RPS6KC1: variants seen among roughly 807,000 people sequenced by gnomAD.
RPS6KC1 encodes the protein inactive ribosomal protein S6 kinase delta-1.
Under a neutral mutation model 103.8 loss-of-function variants are expected in RPS6KC1, and 54 were observed. The ratio of observed to expected loss-of-function variants is 0.52; its 90% CI spans 0.42 to 0.65. The LOEUF is 0.65. RPS6KC1 is among the 30% of genes least tolerant of loss of function. The probability of loss-of-function intolerance (pLI) is 0.00; values close to 1 mark genes in which losing one functional copy is unlikely to be tolerated. For synonymous variants in RPS6KC1, 439 were observed against 438.7 expected (o/e 1.00, Z -0.01); for missense variants, 1,151 against 1,253.8 (o/e 0.92, Z 1.24).
rs2091468128 is a variant in RPS6KC1, at chr1:213,171,414, A to C, written c.951+3441A>C. On this transcript the variant is annotated intron_variant, in intron 7 of 14. Coordinates refer to ENST00000366960, the MANE Select transcript of RPS6KC1 (RefSeq NM_012424.6). ...ATGATTTAAGAATTAATGTTGAAAG[A>C]AGCTTTCCCTGGAAAAGATTTAGAA... Among the ~76,000 whole-genome samples the C allele has an allele frequency of 2.0e-5, 3 of 152,080 alleles. No individual in the cohort carries two copies. In the South Asian group the frequency reaches 6.2e-4, roughly 32 times the overall value.
chr1:213,183,908 A>G (rs1267663125), intron 8 of RPS6KC1, among the ~76,000 whole-genome samples: 7 of 152,174 alleles, frequency 4.6e-5, no homozygotes, highest in Non-Finnish European at 8.8e-5. Context: ...GAATACACCA[A>G]TTATTACTGT....
In RPS6KC1 at chr1:213,109,229, C is replaced by T. The variant is rs55954734; in HGVS notation, c.378+4660C>T. 3.1e-3 allele frequency among the ~76,000 whole-genome samples: 476 copies of T among 152,230 alleles called. 4 individuals are homozygous for T. Among genetic ancestry groups the T allele is most frequent in the African/African-American group, 0.011 (440 of 41,542 alleles). ...TTGGCTCACTGCAAGCTCCACCTCC[C>T]GGGTTCATGCCATTCTCCTGCTTCA... On this transcript the variant is annotated intron_variant, in intron 4 of 14. Transcript: ENST00000366960.
chr1:213,488,082 G>A, the RPS6KC1 span, among the ~76,000 whole-genome samples: 3 of 152,144 alleles, frequency 2.0e-5, no homozygotes, highest in African/African-American at 7.2e-5. Flanking sequence ...TATGCTCATA[G>A]CACCTATATC....
chr1:213,612,923 T>C, the RPS6KC1 span, among the ~76,000 whole-genome samples: 1 of 152,354 alleles, frequency 6.6e-6, no homozygotes, highest in African/African-American at 2.4e-5. Flanking sequence ...TGCCTTTTTA[T>C]ACCATTTTCC....
At chr1:213,101,763 TATTA>T (rs1275970013) in intron 3 of RPS6KC1, among the ~76,000 whole-genome samples, 9 of 152,226 alleles carry the variant, frequency 5.9e-5, no homozygotes, top group South Asian at 2.1e-4. Flanking sequence ...CAATTACTAA[TATTA>T]ATTTATAGGC....
At chr1:213,120,599 G>A (rs2084270375) in intron 5 of RPS6KC1, among the ~76,000 whole-genome samples, 1 of 152,080 alleles carries the variant, frequency 6.6e-6, no homozygotes, top group African/African-American at 2.4e-5. Flanking sequence ...AGGGATCGTG[G>A]TGACAAATGC....
At chr1:213,825,524 G>T in the RPS6KC1 span, among the ~76,000 whole-genome samples, 1 of 152,126 alleles carries the variant, frequency 6.6e-6, no homozygotes, top group Admixed American at 6.5e-5. Flanking sequence ...ATCCTACAAG[G>T]GGGTTAATGC....
At chr1:213,542,799 C>T in the RPS6KC1 span, among the ~76,000 whole-genome samples, 1 of 152,190 alleles carries the variant, frequency 6.6e-6, no homozygotes, top group Non-Finnish European at 1.5e-5. Flanking sequence ...ATTTTGAATG[C>T]TATTTACTAG....
the RPS6KC1 span, among the ~76,000 whole-genome samples, chr1:213,497,799 T>C: frequency 6.6e-6 from 1 of 152,050 alleles, no homozygotes; most frequent in African/African-American, 2.4e-5. Flanking sequence ...GAAAACCAAA[T>C]ATTTGTTAAG....
At chr1:213,804,221 T>C in the RPS6KC1 span, among the ~76,000 whole-genome samples, 52 of 150,890 alleles carry the variant, frequency 3.4e-4, no homozygotes, top group African/African-American at 1.2e-3. Context: ...CTGGAATATT[T>C]TCAGGGACCA....
intron 4 of RPS6KC1, among the ~76,000 whole-genome samples, chr1:213,105,218 T>G (rs1157882505): frequency 3.4e-5 from 4 of 117,848 alleles, no homozygotes; most frequent in Non-Finnish European, 6.9e-5. Flanking sequence ...CATTTTAAGT[T>G]TTTTTTTTTT....
chr1:213,312,885 T>C, the RPS6KC1 span, among the ~76,000 whole-genome samples: 1 of 152,232 alleles, frequency 6.6e-6, no homozygotes, highest in East Asian at 1.9e-4. Context: ...TTAGCTACAA[T>C]AACACCATTA....
the RPS6KC1 span, among the ~76,000 whole-genome samples, chr1:213,734,303 G>T: frequency 6.6e-6 from 1 of 152,174 alleles, no homozygotes; most frequent in Non-Finnish European, 1.5e-5. Context: ...TATAGACTTA[G>T]CTTTCGATGA....
the RPS6KC1 span, among the ~76,000 whole-genome samples, chr1:213,456,976 G>A: frequency 6.6e-6 from 1 of 152,140 alleles, no homozygotes; most frequent in Non-Finnish European, 1.5e-5. Flanking sequence ...TTTTGAAATG[G>A]CAGAAGTTTC....
the RPS6KC1 span, among the ~76,000 whole-genome samples, chr1:213,452,749 A>G: frequency 6.6e-6 from 1 of 152,166 alleles, no homozygotes. Context: ...CCCTCCTCCC[A>G]GGCTGGCGGG....
intron 6 of RPS6KC1, among the ~76,000 whole-genome samples, chr1:213,165,905 A>G (rs2090924127): frequency 6.6e-6 from 1 of 152,176 alleles, no homozygotes; most frequent in African/African-American, 2.4e-5. Flanking sequence ...CCATCACATC[A>G]TTGTAGTTTC....
At chr1:213,315,983 TAC>T in the RPS6KC1 span, among the ~76,000 whole-genome samples, 1 of 152,244 alleles carries the variant, frequency 6.6e-6, no homozygotes, top group Non-Finnish European at 1.5e-5. Flanking sequence ...AAGATGGTAT[TAC>T]TTCTTTATTC....
At chr1:213,155,463 T>C (rs1221484218) in intron 6 of RPS6KC1, among the ~76,000 whole-genome samples, 1 of 151,854 alleles carries the variant, frequency 6.6e-6, no homozygotes, top group Non-Finnish European at 1.5e-5. Flanking sequence ...CTGGCTAGAG[T>C]GGGTTTAAAT....
chr1:213,727,097 T>C, the RPS6KC1 span, among the ~76,000 whole-genome samples: 1 of 152,216 alleles, frequency 6.6e-6, no homozygotes, highest in Non-Finnish European at 1.5e-5. Flanking sequence ...CCACAGCACA[T>C]TGACCCGACC....
Sources: allele counts gnomAD v4.1 joint callset (sites outside exome capture counted in the v4.1 genomes callset), GRCh38; gene constraint gnomAD v4.1.1; transcripts MANE v1.5; gene names NCBI Gene and HGNC (gene_info 2026-07-23, HGNC 2026-07-21).